DPP10: variants seen among roughly 807,000 people sequenced by gnomAD.
DPP10 encodes the protein dipeptidyl peptidase like 10, also known as inactive dipeptidyl peptidase 10.
Under a neutral mutation model 120.9 loss-of-function variants are expected in DPP10, and 33 were observed. The observed-to-expected ratio is 0.27, with a 90% confidence interval of 0.21 to 0.37. The LOEUF (loss-of-function observed/expected upper bound fraction) is 0.37. DPP10 is among the 10% of genes least tolerant of loss of function. The probability of loss-of-function intolerance (pLI) is 1.00; values close to 1 mark genes in which losing one functional copy is unlikely to be tolerated. For synonymous variants in DPP10, 337 were observed against 326.1 expected (o/e 1.03, Z -0.36); for missense variants, 816 against 942.8 (o/e 0.87, Z 1.76).
At chr2:115,804,013 T>C (rs1212498292) in intron 19 of DPP10, among the ~76,000 whole-genome samples, 1 of 152,166 alleles carries the variant, frequency 6.6e-6, no homozygotes, top group African/African-American at 2.4e-5. Context: ...CTGGATAATA[T>C]CCTGCAGAGT....
chr2:114,770,630 A>T (rs183457128), intron 1 of DPP10, among the ~76,000 whole-genome samples: 1 of 152,342 alleles, frequency 6.6e-6, no homozygotes, highest in East Asian at 1.9e-4. Flanking sequence ...GGAAGACATG[A>T]TACTTGCACA....
At chr2:114,551,082 C>T (rs1338317909) in intron 1 of DPP10, among the ~76,000 whole-genome samples, 1 of 152,164 alleles carries the variant, frequency 6.6e-6, no homozygotes, top group Non-Finnish European at 1.5e-5. Flanking sequence ...TCCTTGCAAT[C>T]CATCCTCCAC....
chr2:114,578,487 T>G (rs1690236587), intron 1 of DPP10, among the ~76,000 whole-genome samples: 1 of 152,128 alleles, frequency 6.6e-6, no homozygotes, highest in African/African-American at 2.4e-5. Flanking sequence ...GAAACTGAGT[T>G]TCTCCATTCC....
intron 3 of DPP10, among the ~76,000 whole-genome samples, chr2:115,432,669 G>T (rs879717057): frequency 0.018 from 2,611 of 147,750 alleles, 32 homozygotes; most frequent in Middle Eastern, 0.058. Flanking sequence ...TTGTGTGTGT[G>T]TGTGTGTGTG....
chr2:115,715,274 G>A (rs984918596), intron 7 of DPP10, among the ~76,000 whole-genome samples: 3 of 143,870 alleles, frequency 2.1e-5, no homozygotes, highest in African/African-American at 5.2e-5. Flanking sequence ...AGGAGGTGGC[G>A]GTTGCAATGA....
chr2:115,121,946 TG>T (rs1238129433), intron 1 of DPP10, among the ~76,000 whole-genome samples: 1 of 152,174 alleles, frequency 6.6e-6, no homozygotes. Context: ...CTTTAAGATT[TG>T]GGGGGATCAA....
At chr2:115,256,626 T>C (rs1036754551) in intron 1 of DPP10, among the ~76,000 whole-genome samples, 12 of 152,220 alleles carry the variant, frequency 7.9e-5, no homozygotes, top group Admixed American at 7.9e-4. Context: ...GGAAGACTGC[T>C]GAAATGCCTT....
chr2:115,559,206 G>A (rs1175870248), intron 5 of DPP10, among the ~76,000 whole-genome samples: 1 of 152,084 alleles, frequency 6.6e-6, no homozygotes, highest in African/African-American at 2.4e-5. Flanking sequence ...CAGCCTCACA[G>A]AAATGTTACC....
At chr2:115,185,063 AG>A (rs1349614750) in intron 1 of DPP10, among the ~76,000 whole-genome samples, 9 of 152,162 alleles carry the variant, frequency 5.9e-5, no homozygotes, top group Non-Finnish European at 1.0e-4. Flanking sequence ...TTATAAAATT[AG>A]TTTTAGAATT....
intron 1 of DPP10, among the ~76,000 whole-genome samples, chr2:115,150,350 G>T (rs1464463096): frequency 6.6e-6 from 1 of 152,044 alleles, no homozygotes; most frequent in African/African-American, 2.4e-5. Flanking sequence ...TTTTCTAAAG[G>T]AACATCTTCT....
intron 1 of DPP10, among the ~76,000 whole-genome samples, chr2:114,957,845 G>A (rs1285549395): frequency 1.3e-5 from 2 of 152,196 alleles, no homozygotes; most frequent in East Asian, 1.9e-4. Context: ...TGTGAAATAA[G>A]CCTGGCACAG....
intron 1 of DPP10, among the ~76,000 whole-genome samples, chr2:114,708,905 T>G (rs1232895709): frequency 6.6e-6 from 1 of 152,020 alleles, no homozygotes; most frequent in African/African-American, 2.4e-5. Context: ...ACAGGCACAC[T>G]CCACCTTACC....
intron 1 of DPP10, among the ~76,000 whole-genome samples, chr2:114,890,465 C>T (rs1010031696): frequency 6.6e-6 from 1 of 152,202 alleles, no homozygotes; most frequent in Non-Finnish European, 1.5e-5. Context: ...AAGAGAAATG[C>T]TTGAACTAGA....
At chr2:115,422,941 C>G (rs2070115031) in intron 3 of DPP10, among the ~76,000 whole-genome samples, 1 of 151,970 alleles carries the variant, frequency 6.6e-6, no homozygotes, top group South Asian at 2.1e-4. Flanking sequence ...AAAGTCTGGC[C>G]ATAGTCTTGA....
At chr2:115,120,476 G>A (rs1021657907) in intron 1 of DPP10, among the ~76,000 whole-genome samples, 1 of 152,144 alleles carries the variant, frequency 6.6e-6, no homozygotes, top group Non-Finnish European at 1.5e-5. Flanking sequence ...TTCTATATTT[G>A]TGGAGAGGGT....
At chr2:115,435,156 A>C (rs1362526170) in intron 3 of DPP10, among the ~76,000 whole-genome samples, 2 of 151,748 alleles carry the variant, frequency 1.3e-5, no homozygotes, top group African/African-American at 2.4e-5. Context: ...AAGAGTGCAG[A>C]TATCTCTTCA....
chr2:114,936,436 C>CGTGT (rs1558897403), intron 1 of DPP10, among the ~76,000 whole-genome samples: 2 of 151,088 alleles, frequency 1.3e-5, no homozygotes, highest in African/African-American at 4.9e-5. Context: ...TATATATACA[C>CGTGT]ATATATACGC....
chr2:115,342,976 T>G (rs1341313813), intron 2 of DPP10, among the ~76,000 whole-genome samples: 2 of 152,206 alleles, frequency 1.3e-5, no homozygotes, highest in Admixed American at 1.3e-4. Context: ...GGTTAGTATA[T>G]ATCCTTGACA....
intron 1 of DPP10, among the ~76,000 whole-genome samples, chr2:114,530,604 A>G (rs955433627): frequency 6.6e-6 from 1 of 152,104 alleles, no homozygotes. Flanking sequence ...AAAACCTCAG[A>G]GCACAAGCCA....
Sources: gnomAD v4.1 joint callset for allele counts (sites outside exome capture counted in the v4.1 genomes callset) on GRCh38, gnomAD v4.1.1 for gene constraint, MANE v1.5 for transcripts, NCBI Gene and HGNC (gene_info 2026-07-23, HGNC 2026-07-21) for gene names.